The following SPMIP2 variants were observed in gnomAD, a reference collection of about 807,000 sequenced individuals.
The protein encoded by SPMIP2 is protein SPMIP2.
the SPMIP2 span, among the ~76,000 whole-genome samples, chr4:159,053,249 C>G: frequency 0.01 from 1,530 of 152,270 alleles, 98 homozygotes; most frequent in Admixed American, 0.092. Flanking sequence ...AGCCACCGCG[C>G]CCGGCCGACT....
chr4:158,987,359 A>G, the SPMIP2 span, among the ~76,000 whole-genome samples: 2 of 152,138 alleles, frequency 1.3e-5, no homozygotes, highest in Non-Finnish European at 2.9e-5. Context: ...ACTATTCACA[A>G]TAGCAAAGAC....
chr4:158,940,110 GT>G, the SPMIP2 span, among the ~76,000 whole-genome samples: 13 of 152,266 alleles, frequency 8.5e-5, no homozygotes, highest in East Asian at 2.5e-3. Context: ...GAGGCTAGAA[GT>G]CCCAGATCAA....
the SPMIP2 span, among the ~76,000 whole-genome samples, chr4:158,926,375 A>G: frequency 6.6e-6 from 1 of 151,268 alleles, no homozygotes; most frequent in Non-Finnish European, 1.5e-5. Flanking sequence ...TAAAGTTTTC[A>G]TGTGTTGTGT....
At chr4:159,024,681 A>C in the SPMIP2 span, among the ~76,000 whole-genome samples, 1 of 152,222 alleles carries the variant, frequency 6.6e-6, no homozygotes, top group Non-Finnish European at 1.5e-5. Flanking sequence ...GATTATGTAA[A>C]CTAATGAAGT....
At chr4:158,893,763 AG>A in the SPMIP2 span, 2 of 1,379,080 alleles carry the variant, frequency 1.5e-6, no homozygotes. Flanking sequence ...TTACTTCATA[AG>A]TATTTGCCAA....
the SPMIP2 span, among the ~76,000 whole-genome samples, chr4:159,061,173 A>C: frequency 6.6e-6 from 1 of 151,326 alleles, no homozygotes; most frequent in African/African-American, 2.4e-5. Context: ...AGGGAAAGGA[A>C]TATAGCCAGA....
the SPMIP2 span, among the ~76,000 whole-genome samples, chr4:159,006,034 G>C: frequency 6.6e-6 from 1 of 152,162 alleles, no homozygotes; most frequent in Non-Finnish European, 1.5e-5. Flanking sequence ...CAAAGGCTGG[G>C]GTTACAGGCG....
chr4:158,965,865 T>G, the SPMIP2 span, among the ~76,000 whole-genome samples: 2 of 152,292 alleles, frequency 1.3e-5, no homozygotes, highest in Admixed American at 6.5e-5. Flanking sequence ...ATTTACCACA[T>G]GCTAAGCACT....
the SPMIP2 span, among the ~76,000 whole-genome samples, chr4:159,064,975 TA>T: frequency 6.6e-6 from 1 of 152,240 alleles, no homozygotes; most frequent in Non-Finnish European, 1.5e-5. Context: ...AGCTTTGCAT[TA>T]GTAATGCATG....
chr4:158,957,433 T>A, the SPMIP2 span, among the ~76,000 whole-genome samples: 5 of 152,020 alleles, frequency 3.3e-5, no homozygotes, highest in East Asian at 9.7e-4. Flanking sequence ...CTCACCTACC[T>A]TTTTTCTTTT....
chr4:159,048,851 T>A, the SPMIP2 span, among the ~76,000 whole-genome samples: 1 of 150,978 alleles, frequency 6.6e-6, no homozygotes, highest in East Asian at 1.9e-4. Context: ...ATTACAGATA[T>A]GCGACACCAT....
At chr4:159,011,210 TG>T in the SPMIP2 span, among the ~76,000 whole-genome samples, 5 of 152,228 alleles carry the variant, frequency 3.3e-5, no homozygotes, top group Admixed American at 3.3e-4. Flanking sequence ...AAAATGAAAA[TG>T]TAATCATTCT....
chr4:159,043,147 C>G, the SPMIP2 span, among the ~76,000 whole-genome samples: 1 of 152,272 alleles, frequency 6.6e-6, no homozygotes, highest in East Asian at 1.9e-4. Flanking sequence ...TTTCTATCCC[C>G]TATCCAGTTT....
At chr4:159,078,020 A>C in the SPMIP2 span, among the ~76,000 whole-genome samples, 119 of 152,320 alleles carry the variant, frequency 7.8e-4, no homozygotes, top group Middle Eastern at 3.4e-3. Context: ...GCTACCTCTA[A>C]AAATCATATT....
the SPMIP2 span, among the ~76,000 whole-genome samples, chr4:158,965,238 A>G: frequency 9.1e-6 from 1 of 109,590 alleles, no homozygotes; most frequent in East Asian, 2.9e-4. Flanking sequence ...CTATAATTCA[A>G]AATACACCAG....
At chr4:158,917,421 A>G in the SPMIP2 span, among the ~76,000 whole-genome samples, 1 of 150,112 alleles carries the variant, frequency 6.7e-6, no homozygotes, top group Non-Finnish European at 1.5e-5. Flanking sequence ...AGCAGGGGGA[A>G]AAAAAAAAGG....
At chr4:158,936,612 G>A in the SPMIP2 span, among the ~76,000 whole-genome samples, 1 of 152,170 alleles carries the variant, frequency 6.6e-6, no homozygotes, top group African/African-American at 2.4e-5. Flanking sequence ...CATTTGGCAG[G>A]ATCTGTGCTT....
chr4:159,014,151 C>T, the SPMIP2 span, among the ~76,000 whole-genome samples: 3 of 152,278 alleles, frequency 2.0e-5, no homozygotes, highest in South Asian at 4.1e-4. Context: ...TTAAACCATT[C>T]ATGTTTTAAT....
chr4:158,966,353 T>A, the SPMIP2 span, among the ~76,000 whole-genome samples: 2 of 152,200 alleles, frequency 1.3e-5, no homozygotes, highest in Non-Finnish European at 2.9e-5. Context: ...TTACAATGAT[T>A]TAAGAATTTC....
Sources: allele counts gnomAD v4.1 joint callset (sites outside exome capture counted in the v4.1 genomes callset), GRCh38; gene constraint gnomAD v4.1.1; transcripts MANE v1.5; gene names NCBI Gene and HGNC (gene_info 2026-07-23, HGNC 2026-07-21).